Variants in RCAN2 observed in about 807,000 individuals in gnomAD.
The protein encoded by RCAN2 is calcipressin-2.
RCAN2 carries 9 observed loss-of-function variants against 23.6 expected under a neutral mutation model. That is an observed-to-expected ratio of 0.38 (90% CI 0.23 to 0.67). The LOEUF is 0.67. RCAN2 is among the 30% of genes least tolerant of loss of function. The pLI is 0.51. For missense variants in RCAN2, 273 were observed against 302.3 expected, an observed-to-expected ratio of 0.90 and a Z score of 0.72; for synonymous variants, 109 against 115.7, an observed-to-expected ratio of 0.94 and a Z score of 0.37.
intron 2 of RCAN2, among the ~76,000 whole-genome samples, chr6:46,417,825 C>T (rs895388905): frequency 1.3e-5 from 2 of 152,166 alleles, no homozygotes; most frequent in Non-Finnish European, 2.9e-5. Context: ...TTCCTAAGAG[C>T]CAGGCACTGT....
chr6:46,243,651 A>T (rs1286719123), intron 4 of RCAN2, among the ~76,000 whole-genome samples: 2 of 151,944 alleles, frequency 1.3e-5, no homozygotes, highest in Non-Finnish European at 1.5e-5. Flanking sequence ...TGTACTAAAA[A>T]ATATAAAAAT....
intron 2 of RCAN2, among the ~76,000 whole-genome samples, chr6:46,286,954 G>A (rs1762393776): frequency 2.0e-5 from 3 of 151,934 alleles, no homozygotes; most frequent in South Asian, 4.1e-4. Flanking sequence ...GCGGTGAGCC[G>A]AGATCGCGCC....
intron 2 of RCAN2, among the ~76,000 whole-genome samples, chr6:46,365,391 G>A (rs866768176): frequency 1.3e-5 from 2 of 151,748 alleles, no homozygotes; most frequent in South Asian, 4.1e-4. Flanking sequence ...TGAGAGAATC[G>A]CTTGAATCTG....
At chr6:46,408,499 T>C (rs556644355) in intron 2 of RCAN2, among the ~76,000 whole-genome samples, 6 of 152,338 alleles carry the variant, frequency 3.9e-5, no homozygotes, top group African/African-American at 1.4e-4. Context: ...GTCATTGCAA[T>C]ATTCCCAGCA....
intron 2 of RCAN2, among the ~76,000 whole-genome samples, chr6:46,274,157 G>T (rs1236230456): frequency 6.6e-6 from 1 of 152,180 alleles, no homozygotes; most frequent in South Asian, 2.1e-4. Flanking sequence ...AGACAAGAAG[G>T]TATTCAACCT....
intron 2 of RCAN2, among the ~76,000 whole-genome samples, chr6:46,421,369 G>A (rs1766886544): frequency 6.6e-6 from 1 of 152,210 alleles, no homozygotes; most frequent in East Asian, 1.9e-4. Context: ...CTTTGTGGCT[G>A]ACAGCAGGAC....
intron 2 of RCAN2, among the ~76,000 whole-genome samples, chr6:46,419,104 A>AGC (rs1766794410): frequency 6.6e-6 from 1 of 152,152 alleles, no homozygotes; most frequent in South Asian, 2.1e-4. Flanking sequence ...GCATATGGTG[A>AGC]AAATACGACG....
At chr6:46,345,730 C>T (rs112582114) in intron 2 of RCAN2, among the ~76,000 whole-genome samples, 2,744 of 152,172 alleles carry the variant, frequency 0.018, 88 homozygotes, top group African/African-American at 0.061. Context: ...GATGTCACAA[C>T]AGATTTAATG....
At chr6:46,241,420 T>C (rs926241193) in intron 4 of RCAN2, among the ~76,000 whole-genome samples, 3 of 152,196 alleles carry the variant, frequency 2.0e-5, no homozygotes, top group Admixed American at 6.5e-5. Context: ...TTGTGTTTTA[T>C]AGAGACAATA....
intron 2 of RCAN2, among the ~76,000 whole-genome samples, chr6:46,252,579 G>A (rs972467223): frequency 2.0e-5 from 3 of 151,952 alleles, no homozygotes; most frequent in Non-Finnish European, 4.4e-5. Context: ...TGAGAAACTT[G>A]AAAATATTTA....
intron 2 of RCAN2, among the ~76,000 whole-genome samples, chr6:46,447,242 C>T (rs1227002815): frequency 2.6e-5 from 4 of 151,662 alleles, no homozygotes; most frequent in Admixed American, 6.6e-5. Flanking sequence ...CAAAGAAAGC[C>T]ATTATATAAG....
chr6:46,285,488 G>A (rs1009749201), intron 2 of RCAN2, among the ~76,000 whole-genome samples: 4 of 152,180 alleles, frequency 2.6e-5, no homozygotes, highest in Non-Finnish European at 5.9e-5. Context: ...TTCTAATCGA[G>A]GGGTTCTGGG....
chr6:46,345,516 C>T lies in RCAN2; in HGVS notation c.226-96620G>A, dbSNP rs888217758. Reference sequence around the variant, plus strand: ...CCACATGTTGGACTATAAAACGAGTCTCAGAAGATTGAAAAGGATCAAAAA... The same window carrying T: ...CCACATGTTGGACTATAAAACGAGTTTCAGAAGATTGAAAAGGATCAAAAA... On this transcript the variant is annotated intron_variant, in intron 2 of 4. Coordinates refer to ENST00000371374, the MANE Select transcript of RCAN2 (RefSeq NM_001251974.2). Among the ~76,000 whole-genome samples the T allele has an allele frequency of 3.4e-4, 51 of 152,056 alleles. 1 individual carries two copies. Among genetic ancestry groups the T allele is most frequent in the Admixed American group, 3.3e-3 (51 of 15,272 alleles).
intron 4 of RCAN2, among the ~76,000 whole-genome samples, chr6:46,237,995 C>T (rs1472309539): frequency 6.6e-6 from 1 of 152,186 alleles, no homozygotes; most frequent in African/African-American, 2.4e-5. Context: ...GAACAGATGA[C>T]CCTTCCCCCT....
At chr6:46,300,771 A>G (rs1289633238) in intron 2 of RCAN2, among the ~76,000 whole-genome samples, 1 of 152,082 alleles carries the variant, frequency 6.6e-6, no homozygotes, top group Non-Finnish European at 1.5e-5. Flanking sequence ...ATGATTAGGC[A>G]CATTCTTTGC....
chr6:46,319,907 G>A (rs1291671158), intron 2 of RCAN2, among the ~76,000 whole-genome samples: 1 of 152,038 alleles, frequency 6.6e-6, no homozygotes, highest in Admixed American at 6.5e-5. Flanking sequence ...ACTGCCTTTT[G>A]TTCTTCATAA....
chr6:46,300,012 T>G (rs1208482483), intron 2 of RCAN2, among the ~76,000 whole-genome samples: 1 of 151,856 alleles, frequency 6.6e-6, no homozygotes, highest in Non-Finnish European at 1.5e-5. Context: ...ATATATAGTA[T>G]GTATATTGTA....
At chr6:46,468,958 C>T (rs1019671623) in intron 1 of RCAN2, 5 of 397,908 alleles carry the variant, frequency 1.3e-5, no homozygotes, top group Non-Finnish European at 1.7e-5. Context: ...TAAGTCACTG[C>T]CCCCAGCTGC....
chr6:46,488,413 TATTATC>T (rs1436391381), intron 1 of RCAN2, among the ~76,000 whole-genome samples: 1 of 152,228 alleles, frequency 6.6e-6, no homozygotes, highest in East Asian at 1.9e-4. Context: ...AAATGTTAGA[TATTATC>T]ATTATCATTA....
Sources: allele counts gnomAD v4.1 joint callset (sites outside exome capture counted in the v4.1 genomes callset), GRCh38; gene constraint gnomAD v4.1.1; transcripts MANE v1.5; gene names NCBI Gene and HGNC (gene_info 2026-07-23, HGNC 2026-07-21).